Variants in PAPPA2 observed in about 807,000 individuals in gnomAD.
PAPPA2 encodes pappalysin-2.
In PAPPA2, 86 loss-of-function variants were observed where a neutral mutation model predicts 176.4. The observed-to-expected ratio is 0.49, with a 90% CI of 0.41 to 0.58. PAPPA2 has a LOEUF of 0.58. PAPPA2 is among the 20% of genes least tolerant of loss of function. The probability of loss-of-function intolerance (pLI) is 0.00; values close to 1 mark genes in which losing one functional copy is unlikely to be tolerated. For synonymous variants in PAPPA2, 809 were observed against 852.2 expected (o/e 0.95, Z 0.88); for missense variants, 2,073 against 2,256.9 (o/e 0.92, Z 1.65).
chr1:176,553,157 A>T (rs567109459), intron 1 of PAPPA2, among the ~76,000 whole-genome samples: 2 of 150,896 alleles, frequency 1.3e-5, no homozygotes, highest in Admixed American at 1.3e-4. Context: ...CACTTGACAG[A>T]TTATTTGAAT....
intron 1 of PAPPA2, among the ~76,000 whole-genome samples, chr1:176,546,524 T>C (rs998732605): frequency 6.6e-6 from 1 of 152,210 alleles, no homozygotes; most frequent in Non-Finnish European, 1.5e-5. Flanking sequence ...GAATAGTCAA[T>C]ATAATCAGTC....
intron 3 of PAPPA2, among the ~76,000 whole-genome samples, chr1:176,624,956 A>G (rs1238119206): frequency 1.3e-5 from 2 of 152,144 alleles, no homozygotes; most frequent in African/African-American, 4.8e-5. Context: ...AGCCAAGGAC[A>G]CTGTGGCCAA....
At chr1:176,664,570 A>G (rs569715906) in intron 3 of PAPPA2, among the ~76,000 whole-genome samples, 41 of 152,238 alleles carry the variant, frequency 2.7e-4, no homozygotes, top group Non-Finnish European at 5.3e-4. Flanking sequence ...CCTTTTTGCC[A>G]TGTAAGATGA....
intron 8 of PAPPA2, 87 bp downstream of exon 8, chr1:176,699,676 T>C (rs1250388878): frequency 1.3e-6 from 2 of 1,502,004 alleles, no homozygotes; most frequent in East Asian, 4.6e-5. Flanking sequence ...TATTCAGCCA[T>C]GCCCTTAGTC....
intron 21 of PAPPA2, among the ~76,000 whole-genome samples, chr1:176,829,951 G>A (rs1004664925): frequency 6.6e-6 from 1 of 152,238 alleles, no homozygotes; most frequent in Non-Finnish European, 1.5e-5. Context: ...TCTTAAGTTT[G>A]ATGTCTGGAA....
At chr1:176,691,414 G>A (rs1158996877) in intron 5 of PAPPA2, among the ~76,000 whole-genome samples, 1 of 152,156 alleles carries the variant, frequency 6.6e-6, no homozygotes, top group Non-Finnish European at 1.5e-5. Context: ...TGCATCAGAT[G>A]TGTAAGCACC....
chr1:176,738,912 T>A (rs1452402207), intron 12 of PAPPA2, among the ~76,000 whole-genome samples: 1 of 152,154 alleles, frequency 6.6e-6, no homozygotes, highest in Middle Eastern at 3.2e-3. Context: ...TCTGTTTTAG[T>A]GTTAATCACC....
At chr1:176,731,715 A>G (rs1428377686) in intron 12 of PAPPA2, among the ~76,000 whole-genome samples, 2 of 144,076 alleles carry the variant, frequency 1.4e-5, no homozygotes, top group Admixed American at 6.8e-5. Flanking sequence ...GTGTATATAT[A>G]CACACATATA....
chr1:176,556,046 G>T lies in PAPPA2; in HGVS notation c.-277G>T, dbSNP rs1573034659. On this transcript the variant is annotated 5_prime_UTR_variant, in exon 2 of 23. Transcript: ENST00000367662. ...AACCAAGAGAAATTAACTTCGTTCT[G>T]CAAGGACTAAAGTACAGCAAGAGGA... 7.9e-6 allele frequency: 3 copies of T among 380,272 alleles called. No homozygotes were observed. Among genetic ancestry groups the T allele is most frequent in the Non-Finnish European group, 1.4e-5 (3 of 212,664 alleles). The allele number at this position is 380,272 out of a possible 1,614,324, so 23.6% of individuals were successfully genotyped here. A position where few individuals can be genotyped will look rare whatever the true frequency, so the allele number is the denominator to read the frequency against.
intron 17 of PAPPA2, among the ~76,000 whole-genome samples, chr1:176,789,225 A>T (rs1258091616): frequency 6.6e-6 from 1 of 152,218 alleles, no homozygotes; most frequent in Non-Finnish European, 1.5e-5. Context: ...TGCAGCCATA[A>T]AAAATGATGA....
At chr1:176,494,106 ACTTAGACTGAAT>A (rs1404008947) in intron 1 of PAPPA2, among the ~76,000 whole-genome samples, 1 of 152,208 alleles carries the variant, frequency 6.6e-6, no homozygotes, top group Non-Finnish European at 1.5e-5. Flanking sequence ...TTAGACTGAA[ACTTAGACTGAAT>A]ACTCTAAGAA....
intron 12 of PAPPA2, among the ~76,000 whole-genome samples, chr1:176,728,663 A>AT (rs1196707614): frequency 2.0e-5 from 3 of 151,904 alleles, no homozygotes; most frequent in African/African-American, 7.2e-5. Flanking sequence ...GTTGATTTTA[A>AT]TTTTTTTGTG....
At chr1:176,676,966 A>G (rs1659331387) in intron 4 of PAPPA2, among the ~76,000 whole-genome samples, 1 of 152,134 alleles carries the variant, frequency 6.6e-6, no homozygotes, top group Non-Finnish European at 1.5e-5. Context: ...AGGGATATTT[A>G]TATTTTATTC....
intron 15 of PAPPA2, among the ~76,000 whole-genome samples, chr1:176,766,477 G>A (rs1663969885): frequency 6.6e-6 from 1 of 152,170 alleles, no homozygotes; most frequent in African/African-American, 2.4e-5. Context: ...TATAAGATGT[G>A]TAACTTTGGA....
chr1:176,623,667 C>CTTTCTTTCT (rs1212750922), intron 3 of PAPPA2, among the ~76,000 whole-genome samples: 1 of 57,956 alleles, frequency 1.7e-5, no homozygotes, highest in Admixed American at 1.6e-4. Flanking sequence ...TTCTTTCTTT[C>CTTTCTTTCT]TTTTTCTTTC....
intron 1 of PAPPA2, among the ~76,000 whole-genome samples, chr1:176,536,264 G>T (rs1451087334): frequency 6.6e-6 from 1 of 152,220 alleles, no homozygotes; most frequent in Non-Finnish European, 1.5e-5. Flanking sequence ...GCCCTGGACT[G>T]CTAGGTAGGG....
intron 3 of PAPPA2, 101 bp from the exon 4 acceptor site, chr1:176,670,869 G>T: frequency 6.8e-7 from 1 of 1,463,380 alleles, no homozygotes; most frequent in Non-Finnish European, 9.3e-7. Context: ...AAAAGGTAAT[G>T]CTGGCTGGGA....
At chr1:176,789,442 A>G (rs987864465) in intron 17 of PAPPA2, among the ~76,000 whole-genome samples, 1 of 152,082 alleles carries the variant, frequency 6.6e-6, no homozygotes, top group African/African-American at 2.4e-5. Context: ...TAGGAGATAT[A>G]CCTAATGCTA....
intron 1 of PAPPA2, among the ~76,000 whole-genome samples, chr1:176,545,726 A>G (rs186325762): frequency 9.2e-5 from 14 of 152,310 alleles, no homozygotes; most frequent in Admixed American, 8.5e-4. Context: ...ATGACCATGC[A>G]TACTTCTTAT....
Sources: gnomAD v4.1 joint callset for allele counts (sites outside exome capture counted in the v4.1 genomes callset) on GRCh38, gnomAD v4.1.1 for gene constraint, MANE v1.5 for transcripts, NCBI Gene and HGNC (gene_info 2026-07-23, HGNC 2026-07-21) for gene names.